Variants in SHANK2 observed in about 807,000 individuals in gnomAD.
SHANK2 encodes SH3 and multiple ankyrin repeat domains 2, also known as SH3 and multiple ankyrin repeat domains protein 2.
Under a neutral mutation model 133.7 loss-of-function variants are expected in SHANK2, and 43 were observed. The ratio of observed to expected loss-of-function variants is 0.32; its 90% CI spans 0.25 to 0.41. SHANK2 has a LOEUF of 0.41. Among genes scored for constraint, SHANK2 ranks in the 10% least tolerant of loss-of-function variants. The pLI is 1.00. For synonymous variants in SHANK2, 1,017 were observed against 952.8 expected, an observed-to-expected ratio of 1.07 and a Z score of -1.24; for missense variants, 1,994 against 2,235.8, an observed-to-expected ratio of 0.89 and a Z score of 2.18.
chr11:70,896,535 T>C lies in SHANK2; in HGVS notation c.1140A>G (p.Ala380=). Residue 380 remains alanine, a synonymous_variant, in exon 11 of 26, where the codon GCA becomes GCG. Coordinates refer to ENST00000601538, the MANE Select transcript of SHANK2 (RefSeq NM_012309.5). The stretch of plus-strand genomic sequence containing the variant: ...TTTCCTTGTGGTTCTTGATGTATTC[T>C]GCCAGCTCAAAGTTGCCTGCTATTA... ...VAIIAGNFEL[A]EYIKNHKETD... is the part of the protein sequence containing the mutation. 1.4e-6 allele frequency: 1 copy of C among 719,108 alleles called. No individual in the cohort carries two copies. The highest frequency in any genetic ancestry group is 2.6e-6 in the Non-Finnish European group (1 of 385,124). 44.5% of individuals were successfully genotyped at this position (719,108 alleles called of 1,614,324 possible). A position where few individuals can be genotyped will look rare whatever the true frequency, so the allele number is the denominator to read the frequency against.
At chr11:70,701,167 C>CGTGT (rs145169527) in intron 14 of SHANK2, among the ~76,000 whole-genome samples, 9 of 149,788 alleles carry the variant, frequency 6.0e-5, no homozygotes, top group African/African-American at 1.7e-4. Context: ...TGTGTGTACG[C>CGTGT]GTGTGTGTGT....
intron 17 of SHANK2, among the ~76,000 whole-genome samples, chr11:70,600,453 A>G (rs1158956330): frequency 6.6e-6 from 1 of 151,668 alleles, no homozygotes; most frequent in African/African-American, 2.4e-5. Flanking sequence ...GAAAAAGAAA[A>G]AGAAAAAAAG....
chr11:70,820,727 C>A, intron 11 of SHANK2, 45 bp from the exon 12 acceptor site: 2 of 623,292 alleles, frequency 3.2e-6, no homozygotes, highest in South Asian at 3.7e-5. Flanking sequence ...GCATCTGTGT[C>A]GTGGTCAGCT....
chr11:71,204,993 C>T (rs1424157198), intron 2 of SHANK2, among the ~76,000 whole-genome samples: 4 of 152,052 alleles, frequency 2.6e-5, no homozygotes, highest in Non-Finnish European at 5.9e-5. Context: ...CCTGGCCTCC[C>T]TCCTCCCTCC....
At chr11:70,761,844 C>T (rs1011692786) in intron 14 of SHANK2, among the ~76,000 whole-genome samples, 11 of 152,242 alleles carry the variant, frequency 7.2e-5, no homozygotes, top group Non-Finnish European at 1.2e-4. Context: ...TGAGCTGCCC[C>T]GGAGGGCTTT....
At chr11:70,643,171 C>A (rs912336023) in intron 17 of SHANK2, among the ~76,000 whole-genome samples, 1 of 152,226 alleles carries the variant, frequency 6.6e-6, no homozygotes, top group Admixed American at 6.5e-5. Flanking sequence ...GAAGGATTAT[C>A]ACATTGGTGT....
intron 10 of SHANK2, among the ~76,000 whole-genome samples, chr11:70,938,687 C>G (rs1950603629): frequency 6.6e-6 from 1 of 152,062 alleles, no homozygotes; most frequent in Non-Finnish European, 1.5e-5. Flanking sequence ...GGGCAGCCAG[C>G]CAAGGACAGG....
chr11:70,753,225 C>T (rs963619467), intron 14 of SHANK2, among the ~76,000 whole-genome samples: 5 of 149,438 alleles, frequency 3.3e-5, no homozygotes, highest in Non-Finnish European at 7.4e-5. Flanking sequence ...GACAGCCACA[C>T]GATGATACTG....
intron 14 of SHANK2, among the ~76,000 whole-genome samples, chr11:70,722,900 A>C (rs1036206782): frequency 1.9e-4 from 29 of 152,360 alleles, no homozygotes; most frequent in Admixed American, 7.8e-4. Flanking sequence ...CCTGAAAAAG[A>C]GGGTTTTGAA....
At chr11:70,752,403 G>T (rs1217449893) in intron 14 of SHANK2, among the ~76,000 whole-genome samples, 4 of 152,100 alleles carry the variant, frequency 2.6e-5, no homozygotes, top group Non-Finnish European at 5.9e-5. Flanking sequence ...GGGATAAATA[G>T]GAACATTGAA....
intron 2 of SHANK2, among the ~76,000 whole-genome samples, chr11:71,169,772 A>G (rs1590983499): frequency 6.6e-6 from 1 of 151,912 alleles, no homozygotes; most frequent in South Asian, 2.1e-4. Context: ...AAAAAAAAAA[A>G]AGAGAATGTG....
At chr11:70,780,397 C>T (rs1367108512) in intron 14 of SHANK2, among the ~76,000 whole-genome samples, 2 of 152,130 alleles carry the variant, frequency 1.3e-5, no homozygotes, top group Admixed American at 1.3e-4. Context: ...CCCAGATTTC[C>T]TTCTCTGAAA....
chr11:70,851,661 T>A (rs993193172), intron 11 of SHANK2, among the ~76,000 whole-genome samples: 2 of 152,212 alleles, frequency 1.3e-5, no homozygotes, highest in Admixed American at 1.3e-4. Context: ...CTAGCTGGAC[T>A]TTTATGGAAA....
chr11:70,635,704 T>G (rs1555003752), intron 17 of SHANK2, among the ~76,000 whole-genome samples: 1 of 152,136 alleles, frequency 6.6e-6, no homozygotes, highest in East Asian at 1.9e-4. Context: ...ATGGTAAATT[T>G]TACGGTATGT....
chr11:71,182,515 G>A lies in SHANK2; in HGVS notation c.-12-35177C>T, dbSNP rs1176308603. ...CTCCAGGCCTGTCCCCCAGCTTCAG[G>A]TGCATGGCCTCAGGCGTTCCTTGGC... On this transcript the variant is annotated intron_variant, in intron 2 of 25. Coordinates refer to ENST00000601538, the MANE Select transcript of SHANK2 (RefSeq NM_012309.5). 2.0e-5 allele frequency among the ~76,000 whole-genome samples: 3 copies of A among 152,154 alleles called. No individual in the cohort carries two copies. The East Asian group carries it at 5.8e-4, about 29-fold the overall frequency.
At chr11:70,844,926 T>C (rs7115822) in intron 11 of SHANK2, among the ~76,000 whole-genome samples, 5,588 of 151,688 alleles carry the variant, frequency 0.037, 294 homozygotes, top group African/African-American at 0.13. Context: ...TAGGGCTGGG[T>C]GCAGTGGCTC....
At chr11:70,558,684 C>T (rs2059864766) in intron 17 of SHANK2, among the ~76,000 whole-genome samples, 3 of 107,030 alleles carry the variant, frequency 2.8e-5, no homozygotes, top group African/African-American at 9.8e-5. Context: ...TTGCAGAGAG[C>T]CAGATTCTAC....
intron 2 of SHANK2, among the ~76,000 whole-genome samples, chr11:71,185,347 C>T (rs1212752984): frequency 6.6e-6 from 1 of 152,232 alleles, no homozygotes. Context: ...TTCCTACCTT[C>T]ACCTCCTTCT....
At chr11:71,144,221 T>C (rs574907643) in intron 3 of SHANK2, among the ~76,000 whole-genome samples, 121 of 152,266 alleles carry the variant, frequency 7.9e-4, no homozygotes, top group African/African-American at 2.7e-3. Context: ...AGTGTGCGCA[T>C]GCGTGCACCC....
Sources: gnomAD v4.1 joint callset for allele counts (sites outside exome capture counted in the v4.1 genomes callset) on GRCh38, gnomAD v4.1.1 for gene constraint, MANE v1.5 for transcripts, NCBI Gene and HGNC (gene_info 2026-07-23, HGNC 2026-07-21) for gene names.